RECQL4: variants seen among roughly 807,000 people sequenced by gnomAD.
RECQL4 encodes ATP-dependent DNA helicase Q4.
Under a neutral mutation model 128.6 loss-of-function variants are expected in RECQL4, and 158 were observed. That is an observed-to-expected ratio of 1.23 (90% CI 1.08 to 1.40). The LOEUF is 1.40. RECQL4 is among the 40% of genes most tolerant of loss of function. The probability of loss-of-function intolerance (pLI) is 0.00; values close to 1 mark genes in which losing one functional copy is unlikely to be tolerated. For missense variants in RECQL4, 2,293 were observed against 1,649.8 expected, an observed-to-expected ratio of 1.39 and a Z score of -6.75; for synonymous variants, 996 against 678.9, an observed-to-expected ratio of 1.47 and a Z score of -7.26.
At position 144,511,765 on chromosome 8, in the gene RECQL4, G is replaced by A. The variant is rs375432640; in HGVS notation, c.3418C>T (p.Arg1140Cys). ...GACAGGAACTGGCGGATGTCGCAGC[G>A]GACCTGGTCCTCCCAATCCTGGAGC... is the stretch of plus-strand genomic sequence containing the variant. ...ARLQDWEDQV[R>C]CDIRQFLSLR... Residue 1140 changes from arginine to cysteine, a missense_variant, in exon 20 of 21, where the codon CGC becomes TGC. By Grantham distance (180) the Arg-to-Cys change is radical. Transcript: ENST00000617875. 45 of 1,612,554 alleles carry A rather than the reference G, an allele frequency of 2.8e-5. No homozygotes were observed. The highest frequency in any genetic ancestry group is 6.7e-5 in the Admixed American group (4 of 60,038).
At chr8:144,515,537 A>G in intron 6 of RECQL4, 80 bp from the exon 7 acceptor site, 2 of 1,587,826 alleles carry the variant, frequency 1.3e-6, no homozygotes, top group Admixed American at 1.7e-5. Context: ...CCTTCCCCCA[A>G]AGGGGGTTGG....
chr8:144,511,696 T>TG lies in RECQL4; in HGVS notation c.3486dup (p.Ile1163HisfsTer64). The TG allele has an allele frequency of 6.2e-7, 1 of 1,612,448 alleles. No individual in the cohort carries two copies. The highest frequency in any genetic ancestry group is 8.5e-7 in the Non-Finnish European group (1 of 1,179,764). ...CAGGCCTCACCGATGCCGTGGAAGATGCGGGCCACAGCCCTGCTGGAGAAC... is the reference window on the plus strand; with the variant it reads ...CAGGCCTCACCGATGCCGTGGAAGATGGCGGGCCACAGCCCTGCTGGAGAAC... On this transcript the variant is annotated frameshift_variant, in exon 20 of 21. Transcript: ENST00000617875. LOFTEE classifies it low-confidence loss of function (END_TRUNC).
Position 144,512,572 on chromosome 8 carries a change from G to A in RECQL4, c.2886-11C>T, listed in dbSNP as rs1015300741. 5 of 1,612,220 alleles carry A rather than the reference G, an allele frequency of 3.1e-6. No individual in the cohort carries two copies. The highest frequency in any genetic ancestry group is 2.2e-5 in the East Asian group (1 of 44,874). ...GCCAAAGGGGGACACCTGTGCCCAGGGAAAAAGGGACATGTGGCCAACAGC... is the reference window on the plus strand; with the variant it reads ...GCCAAAGGGGGACACCTGTGCCCAGAGAAAAAGGGACATGTGGCCAACAGC... On this transcript the variant is annotated splice_polypyrimidine_tract_variant and intron_variant, in intron 16 of 20. Transcript: ENST00000617875.
At position 144,511,666 on chromosome 8, in the gene RECQL4, C is replaced by A. The variant is rs1422782410; in HGVS notation, c.3502+15G>T. 49 of 1,611,344 alleles carry A rather than the reference C, an allele frequency of 3.0e-5. No individual in the cohort carries two copies. Among genetic ancestry groups the A allele is most frequent in the Non-Finnish European group, 4.2e-5 (49 of 1,179,012 alleles). On this transcript the variant is annotated intron_variant, in intron 20 of 20. Coordinates refer to ENST00000617875, the MANE Select transcript of RECQL4 (RefSeq NM_004260.4). ...CAGCCCCAGCCTGCAGCGGGTGGGG[C>A]CTCCCAGGCCTCACCGATGCCGTGG...
intron 4 of RECQL4, 120 bp from the exon 5 acceptor site, chr8:144,516,884 C>T (rs898654258): frequency 2.2e-6 from 3 of 1,383,826 alleles, no homozygotes; most frequent in Admixed American, 2.4e-5. Flanking sequence ...CAAGGCTGGA[C>T]TAGAAAGGGA....
At position 144,512,392 on chromosome 8, in the gene RECQL4, C is replaced by G; in HGVS notation, c.3055G>C (p.Gly1019Arg). The G allele has an allele frequency of 1.2e-6, 2 of 1,606,526 alleles. No individual in the cohort carries two copies. The highest frequency in any genetic ancestry group is 1.7e-6 in the Non-Finnish European group (2 of 1,175,540). ...QLQWDHEPRT[G>R]VRRGTGVLVE... ...CGGTGTGGGGTGGGGAGAGGCGCAC[C>G]TGTCCTGGGCTCGTGGTCCCACTGC... The change falls in exon 17 of 21, where the codon GGT (glycine) becomes CGT (arginine). Residue 1019 changes from glycine (G) to arginine (R), a missense_variant and splice_region_variant. Coordinates refer to ENST00000617875, the MANE Select transcript of RECQL4 (RefSeq NM_004260.4).
At position 144,513,798 on chromosome 8, in the gene RECQL4, AGTGAGGAGGGGTCGGCGTGGGCG is replaced by A. The variant is rs1827725625; in HGVS notation, c.2058+107_2059-87del. The A allele has an allele frequency of 3.8e-4, 280 of 732,418 alleles. No individual in the cohort carries two copies. The Middle Eastern group carries it at 4.6e-3, about 12-fold the overall frequency. 45.4% of individuals were successfully genotyped at this position (732,418 alleles called of 1,614,324 possible). ...GGAGTGAGGAGGGGTCGGCGTGGGG[AGTGAGGAGGGGTCGGCGTGGGCG>A]GTGGGGAGTGAGAAGGGGTCGGCGT... On this transcript the variant is annotated intron_variant, in intron 12 of 20. Transcript: ENST00000617875.
rs1060504215 is a variant in RECQL4 at position 144,513,338 on chromosome 8, T to C, written c.2343A>G (p.Pro781=). The C allele has an allele frequency of 6.2e-6, 10 of 1,604,138 alleles. No homozygotes were observed. Among genetic ancestry groups the C allele is most frequent in the Non-Finnish European group, 8.5e-6 (10 of 1,179,610 alleles). ...CCAGATGCAGCACAGCCCGCACATC[T>C]GGCCGGTCCAGCCCCATCCCAAAGG... ...TVAFGMGLDR[P]DVRAVLHLGL... is the part of the protein sequence containing the mutation. The change falls in exon 14 of 21, where the codon CCA becomes CCG. Residue 781 remains proline, a synonymous_variant. Coordinates refer to ENST00000617875, the MANE Select transcript of RECQL4 (RefSeq NM_004260.4).
At position 144,514,854 on chromosome 8, in the gene RECQL4, G is replaced by A. The variant is rs34381903; in HGVS notation, c.1620+82C>T. On this transcript the variant is annotated intron_variant, in intron 9 of 20. Transcript: ENST00000617875. Reference sequence around the variant, plus strand: ...AAGCTCCCAGGGGAGGGGGTGGTTAGGGGACAAGCAGCAGTTGCCCTTGGG... The same window carrying A: ...AAGCTCCCAGGGGAGGGGGTGGTTAAGGGACAAGCAGCAGTTGCCCTTGGG... The A allele has an allele frequency of 3.8e-3, 5,842 of 1,523,220 alleles. 41 individuals are homozygous for A. The highest frequency in any genetic ancestry group is 0.028 in the African/African-American group (2,017 of 73,188). 94.4% of individuals were successfully genotyped at this position (1,523,220 alleles called of 1,614,324 possible). A position where few individuals can be genotyped will look rare whatever the true frequency, so the allele number is the denominator to read the frequency against.
rs747758347 is a variant in RECQL4 at position 144,511,747 on chromosome 8, A to C, written c.3436T>G (p.Phe1146Val). Residue 1146 changes from phenylalanine (F) to valine (V), a missense_variant, in exon 20 of 21, where the codon TTC becomes GTC. By Grantham distance (50) the Phe-to-Val change is conservative. Coordinates refer to ENST00000617875, the MANE Select transcript of RECQL4 (RefSeq NM_004260.4). ...TTCTCCTCTGGCCTCAGGGACAGGA[A>C]CTGGCGGATGTCGCAGCGGACCTGG... ...EDQVRCDIRQFLSLRPEEKFS... is the reference protein window; with the variant it reads ...EDQVRCDIRQVLSLRPEEKFS... 6.2e-7 allele frequency: 1 copy of C among 1,612,580 alleles called. No homozygotes were observed. Among genetic ancestry groups the C allele is most frequent in the South Asian group, 1.1e-5 (1 of 91,088 alleles).
In RECQL4 at chr8:144,516,408, TG is replaced by T; in HGVS notation, c.710del (p.Pro237GlnfsTer56). 1 of 1,609,524 alleles carries T rather than the reference TG, an allele frequency of 6.2e-7. No individual in the cohort carries two copies. Among genetic ancestry groups the T allele is most frequent in the Non-Finnish European group, 8.5e-7 (1 of 1,179,680 alleles). ...VLGPGAGSQG[P>X]EASAFQEVSI... is the part of the protein sequence containing the mutation. ...TGACTTCTTGGAAGGCTGAAGCCTC[TG>T]GGCCCTGGGAGCCAGCACCAGGACC... On this transcript the variant is annotated frameshift_variant, in exon 5 of 21. Coordinates refer to ENST00000617875, the MANE Select transcript of RECQL4 (RefSeq NM_004260.4). LOFTEE classifies it high-confidence loss of function.
Position 144,517,424 on chromosome 8 carries a change from G to T in RECQL4, c.203C>A (p.Ala68Glu). The change falls in exon 3 of 21, where the codon GCG becomes GAG. Residue 68 changes from alanine (A) to glutamate (E), a missense_variant. Transcript: ENST00000617875. ...GLRSSESLPA[A>E]AEEAPEPRCW... ...GCGGGGCCTGGGTACCTCTTCGGCCGCCGCGGGGAGCGACTCGGAGCTGCG... is the reference window on the plus strand; with the variant it reads ...GCGGGGCCTGGGTACCTCTTCGGCCTCCGCGGGGAGCGACTCGGAGCTGCG... The T allele has an allele frequency of 6.3e-7, 1 of 1,576,132 alleles. No homozygotes were observed. The highest frequency in any genetic ancestry group is 1.8e-5 in the Admixed American group (1 of 56,068).
rs1381844543 is a variant in RECQL4, at chr8:144,517,469, C to T, written c.158G>A (p.Gly53Asp). The part of the protein sequence containing the change: ...REYRTLKRTT[G>D]QAGGGLRSSE... ...GCTGCGGAGCCCGCCGCCGGCCTGG[C>T]CCGTGGTACGCTTCAGAGTGCGGTA... The change falls in exon 3 of 21, where the codon GGC becomes GAC. Residue 53 changes from glycine (G) to aspartate (D), a missense_variant. Coordinates refer to ENST00000617875, the MANE Select transcript of RECQL4 (RefSeq NM_004260.4). 6.3e-7 allele frequency: 1 copy of T among 1,596,326 alleles called. No individual in the cohort carries two copies.
rs766726409 is a variant in RECQL4, at chr8:144,514,215, G to C, written c.1852C>G (p.Arg618Gly). ...HCLSQWSHNF[R>G]PCYLRVCKVL... ...TTGCAGACGCGCAGGTAGCAGGGCCGGAAGTTGTGGGACCACTGGGAGAGG... is the reference window on the plus strand; with the variant it reads ...TTGCAGACGCGCAGGTAGCAGGGCCCGAAGTTGTGGGACCACTGGGAGAGG... Residue 618 changes from arginine to glycine, a missense_variant, in exon 11 of 21, where the codon CGG (arginine) becomes GGG (glycine). By Grantham distance (125) the Arg-to-Gly change is moderately radical (BLOSUM62 -2). Transcript: ENST00000617875. 1.2e-6 allele frequency: 2 copies of C among 1,612,300 alleles called. No homozygotes were observed. Among genetic ancestry groups the C allele is most frequent in the Non-Finnish European group, 1.7e-6 (2 of 1,179,712 alleles).
rs756983251 is a variant in RECQL4 at position 144,512,372 on chromosome 8, T to G, written c.3055+20A>C. The stretch of plus-strand genomic sequence containing the variant: ...CAGGCAGGCAGCGTCCAGGGCGGTG[T>G]GGGGTGGGGAGAGGCGCACCTGTCC... On this transcript the variant is annotated intron_variant, in intron 17 of 20. Coordinates refer to ENST00000617875, the MANE Select transcript of RECQL4 (RefSeq NM_004260.4). The G allele has an allele frequency of 3.1e-6, 5 of 1,608,376 alleles. No homozygotes were observed. In the African/African-American group the frequency reaches 4.0e-5, roughly 13 times the overall value.
In RECQL4 at chr8:144,516,354, G is replaced by C. The variant is rs2130722651; in HGVS notation, c.765C>G (p.Ser255Arg). Residue 255 changes from serine (S) to arginine (R), a missense_variant, in exon 5 of 21, where the codon AGC (serine) becomes AGG (arginine). By Grantham distance (110) the Ser-to-Arg change is moderately radical. Coordinates refer to ENST00000617875, the MANE Select transcript of RECQL4 (RefSeq NM_004260.4). ...ATCTCCGCTTCTCGCCTCCACTGCT[G>C]CTGGGCTGGGGGCTCCCCACACGGA... The part of the protein sequence containing the change: ...VSIRVGSPQP[S>R]SSGGEKRRWN... 6.2e-7 allele frequency: 1 copy of C among 1,609,922 alleles called. No individual in the cohort carries two copies. Among genetic ancestry groups the C allele is most frequent in the East Asian group, 2.2e-5 (1 of 44,872 alleles).
rs750905339 is a variant in RECQL4 at position 144,512,236 on chromosome 8, C to T, written c.3144G>A (p.Lys1048=). The T allele has an allele frequency of 4.3e-6, 7 of 1,612,308 alleles. No individual in the cohort carries two copies. The Admixed American group carries it at 1.0e-4, about 23-fold the overall frequency. Residue 1048 remains lysine (K), a synonymous_variant, in exon 18 of 21, where the codon AAG becomes AAA. Transcript: ENST00000617875. The part of the protein sequence containing the change: ...RSPGDLTAEE[K]DQICDFLYGR... ...CATAGAGGAAGTCACATATCTGGTCCTTCTCCTCAGCGGTCAAGTCCCCCG... is the reference window on the plus strand; with the variant it reads ...CATAGAGGAAGTCACATATCTGGTCTTTCTCCTCAGCGGTCAAGTCCCCCG...
At chr8:144,515,690 A>G (rs1175818396) in intron 6 of RECQL4, 74 bp downstream of exon 6, 2 of 1,561,232 alleles carry the variant, frequency 1.3e-6, no homozygotes, top group East Asian at 4.6e-5. Flanking sequence ...CTTGGAACAT[A>G]AGTGTCCCCC....
intron 3 of RECQL4, 23 bp downstream of exon 3, chr8:144,517,391 C>A: frequency 6.5e-7 from 1 of 1,548,920 alleles, no homozygotes. Context: ...TGGGAGGAGG[C>A]TGGGGCGGCG....
Sources: allele counts gnomAD v4.1 joint callset, GRCh38; gene constraint gnomAD v4.1.1; transcripts MANE v1.5; gene names NCBI Gene and HGNC (gene_info 2026-07-23, HGNC 2026-07-21).